The following NACC1 variants were observed in gnomAD, a reference collection of about 807,000 sequenced individuals.
The protein encoded by NACC1 is nucleus accumbens associated 1, also known as nucleus accumbens-associated protein 1.
Under a neutral mutation model 41.7 loss-of-function variants are expected in NACC1, and 6 were observed. The observed-to-expected ratio is 0.14, with a 90% CI of 0.08 to 0.28. NACC1 has a LOEUF of 0.28. Ranked by LOEUF, NACC1 falls within the 10% of genes least tolerant of loss-of-function variation. The probability of loss-of-function intolerance (pLI) is 1.00; values close to 1 mark genes in which losing one functional copy is unlikely to be tolerated. For missense variants in NACC1, 434 were observed against 763.7 expected (o/e 0.57, Z 5.09); for synonymous variants, 338 against 330.6 (o/e 1.02, Z -0.24).
Position 13,137,146 on chromosome 19 carries a change from T to G in NACC1, c.1121-125T>G. The G allele has an allele frequency of 1.2e-6, 1 of 865,766 alleles. No homozygotes were observed. The highest frequency in any genetic ancestry group is 1.8e-6 in the Non-Finnish European group (1 of 541,766). The allele number at this position is 865,766 out of a possible 1,614,324, so 53.6% of individuals were successfully genotyped here. A position where few individuals can be genotyped will look rare whatever the true frequency, so the allele number is the denominator to read the frequency against. ...AGATGTAGGGGAGAAGGTCCCTGGG[T>G]GAGTTTTCTTGGGACCCAGAGCCCA... On this transcript the variant is annotated intron_variant, in intron 3 of 5. Coordinates refer to ENST00000292431, the MANE Select transcript of NACC1 (RefSeq NM_052876.4). The surrounding 1 kb of genome is among the most constrained non-coding windows in gnomAD (Gnocchi z 6.1).
In NACC1 at chr19:13,138,232, C is replaced by T. The variant is rs761563060; in HGVS notation, c.1410C>T (p.Val470=). 33 of 1,614,126 alleles carry T rather than the reference C, an allele frequency of 2.0e-5. No individual in the cohort carries two copies. The highest frequency in any genetic ancestry group is 2.7e-5 in the African/African-American group (2 of 74,948). ...AADMCTNARR[V]VRKSWMPKVK... is the part of the protein sequence containing the mutation. Reference sequence around the variant, plus strand: ...ACATGTGCACCAACGCCCGCCGCGTCGTGCGCAAGAGCTGGATGCCCAAGG... The same window carrying T: ...ACATGTGCACCAACGCCCGCCGCGTTGTGCGCAAGAGCTGGATGCCCAAGG... The change falls in exon 6 of 6, where the codon GTC becomes GTT. Residue 470 remains valine, a synonymous_variant. Coordinates refer to ENST00000292431, the MANE Select transcript of NACC1 (RefSeq NM_052876.4). This position sits in a 1 kb window ranked among gnomAD's most constrained non-coding sequence, Gnocchi z 5.7.
rs1362652994 is a variant in NACC1 at position 13,140,095 on chromosome 19, C to T, written c.*1689C>T. On this transcript the variant is annotated 3_prime_UTR_variant, in exon 6 of 6. Transcript: ENST00000292431. This position sits in a 1 kb window ranked among gnomAD's most constrained non-coding sequence, Gnocchi z 4.0. ...CCCCGCCGGCCCACTGGGGGTCCCTCTTAACATCTGCTTGTTGCGGGGGTC... is the reference window on the plus strand; with the variant it reads ...CCCCGCCGGCCCACTGGGGGTCCCTTTTAACATCTGCTTGTTGCGGGGGTC... 6.5e-6 allele frequency: 1 copy of T among 152,702 alleles called. No homozygotes were observed. Among genetic ancestry groups the T allele is most frequent in the Non-Finnish European group, 1.5e-5 (1 of 68,174 alleles). 9.5% of individuals were successfully genotyped at this position (152,702 alleles called of 1,614,324 possible).
intron 1 of NACC1, chr19:13,131,796 C>T (rs1012205538): frequency 3.9e-5 from 6 of 152,140 alleles, no homozygotes; most frequent in African/African-American, 1.4e-4. Context: ...TGAATCTTGG[C>T]CTTACCACTT....
chr19:13,122,036 C>T (rs569126841), intron 1 of NACC1, among the ~76,000 whole-genome samples: 2 of 152,184 alleles, frequency 1.3e-5, no homozygotes, highest in East Asian at 1.9e-4. Flanking sequence ...CCTAGAGAAC[C>T]CTCTGGGCCG....
chr19:13,136,384 G>GAGA lies in NACC1; in HGVS notation c.1102_1104dup (p.Lys368dup). 6.2e-7 allele frequency: 1 copy of GAGA among 1,613,534 alleles called. No individual in the cohort carries two copies. The highest frequency in any genetic ancestry group is 1.3e-5 in the African/African-American group (1 of 75,042). ...GCTCTACGACGAGGGCGACCCCTCTGAGAAGCTGGAGCTGGTGACAGGTGG... is the reference window on the plus strand; with the variant it reads ...GCTCTACGACGAGGGCGACCCCTCTGAGAAGAAGCTGGAGCTGGTGACAGGTGG... On this transcript the variant is annotated inframe_insertion, in exon 3 of 6. Coordinates refer to ENST00000292431, the MANE Select transcript of NACC1 (RefSeq NM_052876.4). This position sits in a 1 kb window ranked among gnomAD's most constrained non-coding sequence, Gnocchi z 5.5.
chr19:13,127,371 C>CTTTTTTTTTTTTTTTTTTTTTTTTTT (rs147514422), intron 1 of NACC1, among the ~76,000 whole-genome samples: 2 of 28,510 alleles, frequency 7.0e-5, no homozygotes, highest in African/African-American at 1.3e-4. Flanking sequence ...TATACATATA[C>CTTTTTTTTTTTTTTTTTTTTTTTTTT]TTTTTTTTTT....
In NACC1 at chr19:13,138,127, G is replaced by A. The variant is rs374818333; in HGVS notation, c.1325-20G>A. 16 of 1,609,346 alleles carry A rather than the reference G, an allele frequency of 9.9e-6. No homozygotes were observed. The highest frequency in any genetic ancestry group is 4.5e-5 in the East Asian group (2 of 44,304). ...GTCACCTGGCCCCCGTGCCAAGGCC[G>A]CACCCACCCTGCCCCACAGACTACT... On this transcript the variant is annotated intron_variant, in intron 5 of 5. Coordinates refer to ENST00000292431, the MANE Select transcript of NACC1 (RefSeq NM_052876.4). This position sits in a 1 kb window ranked among gnomAD's most constrained non-coding sequence, Gnocchi z 5.7.
chr19:13,116,992 C>T (rs776798839), upstream of NACC1: 2 of 155,266 alleles, frequency 1.3e-5, no homozygotes, highest in Non-Finnish European at 2.9e-5. Flanking sequence ...GTGCTATATA[C>T]ACATTATTTC....
chr19:13,137,568 T>C lies in NACC1; in HGVS notation c.1317T>C (p.Ala439=). ...CCCTGGACAGCCGCGTGCTCCACGC[T>C]GTCAAGTGTGAGTGTTGGCCCAGCT... ...RKPLDSRVLH[A]VKYYCQNFAP... Residue 439 remains alanine, a synonymous_variant, in exon 5 of 6, where the codon GCT becomes GCC. Transcript: ENST00000292431. The surrounding 1 kb of genome is among the most constrained non-coding windows in gnomAD (Gnocchi z 6.1). 6.4e-7 allele frequency: 1 copy of C among 1,553,272 alleles called. No individual in the cohort carries two copies. The highest frequency in any genetic ancestry group is 8.7e-7 in the Non-Finnish European group (1 of 1,148,070).
At chr19:13,133,191 C>T (rs1204143993) in intron 1 of NACC1, among the ~76,000 whole-genome samples, 1 of 152,132 alleles carries the variant, frequency 6.6e-6, no homozygotes. Flanking sequence ...GCTGGAGTGT[C>T]TGGAAAGATC....
chr19:13,123,026 T>A lies in NACC1; in HGVS notation c.-9+4572T>A, dbSNP rs1336281422. Among the ~76,000 whole-genome samples the A allele has an allele frequency of 3.9e-5, 6 of 152,220 alleles. No homozygotes were observed. In the East Asian group the frequency reaches 9.6e-4, roughly 24 times the overall value. On this transcript the variant is annotated intron_variant, in intron 1 of 5. Transcript: ENST00000292431. The stretch of plus-strand genomic sequence containing the variant: ...GGGGGGTGAGCAGTATTGAGGGTAA[T>A]TCTGAGTGACAAGCTCTATAAGGGA...
intron 1 of NACC1, among the ~76,000 whole-genome samples, chr19:13,130,535 C>CTTTT (rs34032574): frequency 3.9e-5 from 5 of 128,602 alleles, no homozygotes; most frequent in Non-Finnish European, 6.6e-5. Flanking sequence ...TTTTTCTTTT[C>CTTTT]TTTTTTTTTT....
chr19:13,122,027 C>G (rs976350285), intron 1 of NACC1, among the ~76,000 whole-genome samples: 3 of 152,156 alleles, frequency 2.0e-5, no homozygotes, highest in African/African-American at 7.2e-5. Flanking sequence ...CTGCCTTCCC[C>G]TAGAGAACCC....
chr19:13,122,135 A>C (rs901569541), intron 1 of NACC1, among the ~76,000 whole-genome samples: 1 of 152,074 alleles, frequency 6.6e-6, no homozygotes, highest in East Asian at 1.9e-4. Flanking sequence ...GACGTGTCTT[A>C]GGTTGTGATC....
At chr19:13,117,486 T>G (rs1194612644), upstream of NACC1, 7 of 152,200 alleles carry the variant, frequency 4.6e-5, no homozygotes, top group Admixed American at 4.6e-4. Flanking sequence ...TCCTGGCACC[T>G]ACCATCACTT....
intron 1 of NACC1, among the ~76,000 whole-genome samples, chr19:13,125,412 CTTTTTTTTT>C (rs760978944): frequency 3.0e-5 from 3 of 100,306 alleles, no homozygotes; most frequent in Non-Finnish European, 6.1e-5. Flanking sequence ...GAAGGCCCCA[CTTTTTTTTT>C]TTTTTTTTTT....
Position 13,136,524 on chromosome 19 carries a change from T to G in NACC1, c.1120+119T>G. 2.5e-6 allele frequency: 3 copies of G among 1,216,310 alleles called. No homozygotes were observed. Among genetic ancestry groups the G allele is most frequent in the Non-Finnish European group, 3.4e-6 (3 of 895,154 alleles). 75.3% of individuals were successfully genotyped at this position (1,216,310 alleles called of 1,614,324 possible). A position where few individuals can be genotyped will look rare whatever the true frequency, so the allele number is the denominator to read the frequency against. On this transcript the variant is annotated intron_variant, in intron 3 of 5. Coordinates refer to ENST00000292431, the MANE Select transcript of NACC1 (RefSeq NM_052876.4). The surrounding 1 kb of genome is among the most constrained non-coding windows in gnomAD (Gnocchi z 5.5). The stretch of plus-strand genomic sequence containing the variant: ...CTCAGTTTCCCTATCTGTGCTGTAG[T>G]GTTGGTAACAGCCACCCTAAGGGTG...
At chr19:13,118,107 G>A (rs1018157150), upstream of NACC1, 1 of 152,102 alleles carries the variant, frequency 6.6e-6, no homozygotes, top group African/African-American at 2.4e-5. Flanking sequence ...GGATCCCCCA[G>A]GGGCATAGAG....
intron 1 of NACC1, among the ~76,000 whole-genome samples, chr19:13,123,366 G>A: frequency 6.6e-6 from 1 of 152,202 alleles, no homozygotes; most frequent in Non-Finnish European, 1.5e-5. Context: ...CGGAGGCAGA[G>A]CTTCTGCCAG....
Sources: allele counts gnomAD v4.1 joint callset (sites outside exome capture counted in the v4.1 genomes callset), GRCh38; gene constraint gnomAD v4.1.1; non-coding constraint Gnocchi (gnomAD v3.1); transcripts MANE v1.5; gene names NCBI Gene and HGNC (gene_info 2026-07-23, HGNC 2026-07-21).